The following UBOX5 variants were observed in gnomAD, a reference collection of about 807,000 sequenced individuals.
The protein encoded by UBOX5 is RING finger protein 37.
UBOX5 carries 28 observed loss-of-function variants against 39.0 expected under a neutral mutation model. That is an observed-to-expected ratio of 0.72 (90% confidence interval 0.53 to 0.98). UBOX5 has a LOEUF of 0.98. UBOX5 is among the 50% of genes least tolerant of loss of function. The pLI, the probability that UBOX5 is intolerant of heterozygous loss-of-function variation, is 0.00. For synonymous variants in UBOX5, 283 were observed against 275.5 expected (o/e 1.03, Z -0.27); for missense variants, 585 against 674.4 (o/e 0.87, Z 1.47).
chr20:3,112,687 C>T (rs1333759863), intron 4 of UBOX5, among the ~76,000 whole-genome samples: 11 of 152,208 alleles, frequency 7.2e-5, no homozygotes, highest in Admixed American at 7.2e-4. Context: ...GGCACGGTGG[C>T]TCACACCTGT....
chr20:3,148,249 C>G (rs780806586), intron 1 of UBOX5: 3 of 1,612,916 alleles, frequency 1.9e-6, no homozygotes, highest in South Asian at 1.1e-5. Flanking sequence ...AGGATAGATC[C>G]TTCCAGTGCA....
intron 1 of UBOX5, among the ~76,000 whole-genome samples, chr20:3,142,599 G>A (rs1332688994): frequency 7.8e-6 from 1 of 127,630 alleles, no homozygotes; most frequent in Non-Finnish European, 1.6e-5. Context: ...GTGAGACTCC[G>A]TCTCAAAAAA....
chr20:3,157,301 C>G (rs1343392021), intron 1 of UBOX5, among the ~76,000 whole-genome samples: 6 of 152,172 alleles, frequency 3.9e-5, no homozygotes, highest in Admixed American at 3.9e-4. Context: ...TCTACCAGTA[C>G]TGCGAAGGTG....
chr20:3,135,744 G>A (rs1318678791), intron 1 of UBOX5, among the ~76,000 whole-genome samples: 1 of 151,144 alleles, frequency 6.6e-6, no homozygotes, highest in Non-Finnish European at 1.5e-5. Flanking sequence ...TTATTCATTT[G>A]GGGTTTTGAT....
intron 1 of UBOX5, among the ~76,000 whole-genome samples, chr20:3,158,270 C>T (rs2066709776): frequency 2.0e-5 from 3 of 151,886 alleles, no homozygotes; most frequent in Admixed American, 2.0e-4. Flanking sequence ...CGCACCTGAC[C>T]TTAGAATTAT....
chr20:3,142,772 C>CAAAAAAA (rs58907108), intron 1 of UBOX5, among the ~76,000 whole-genome samples: 14 of 77,698 alleles, frequency 1.8e-4, no homozygotes, highest in Non-Finnish European at 2.3e-4. Flanking sequence ...AACTCTGTCT[C>CAAAAAAA]AAAAAAAAAA....
chr20:3,155,063 A>G (rs1358407896), intron 1 of UBOX5, among the ~76,000 whole-genome samples: 2 of 148,146 alleles, frequency 1.4e-5, no homozygotes, highest in Non-Finnish European at 3.0e-5. Flanking sequence ...AAAAAAAAAA[A>G]AAAAAAAAAG....
At position 3,122,434 on chromosome 20, in the gene UBOX5, C is replaced by T; in HGVS notation, c.205G>A (p.Asp69Asn). The T allele has an allele frequency of 6.2e-7, 1 of 1,614,162 alleles. No individual in the cohort carries two copies. The highest frequency in any genetic ancestry group is 1.1e-5 in the South Asian group (1 of 91,080). ...FNVEICRINI[D>N]LTAGGGQNVT... is the part of the protein sequence containing the mutation. ...TTCTGACCTCCCCCAGCTGTGAGGT[C>T]TATGTTGATCCTACAGATTTCCACA... Residue 69 changes from aspartate (D) to asparagine (N), a missense_variant, in exon 3 of 5, where the codon GAC (aspartate) becomes AAC (asparagine). Transcript: ENST00000217173.
At chr20:3,154,165 A>G (rs1370241314) in intron 1 of UBOX5, among the ~76,000 whole-genome samples, 2 of 152,250 alleles carry the variant, frequency 1.3e-5, no homozygotes, top group Non-Finnish European at 2.9e-5. Context: ...GGGAAATCCC[A>G]GGAAAAAGGT....
intron 1 of UBOX5, among the ~76,000 whole-genome samples, chr20:3,125,901 C>A (rs1026039302): frequency 2.0e-5 from 3 of 150,824 alleles, no homozygotes; most frequent in Non-Finnish European, 4.4e-5. Flanking sequence ...AAGTGAGGAG[C>A]GCCTCTGCCC....
At chr20:3,110,600 C>T in intron 4 of UBOX5, 1 of 459,782 alleles carries the variant, frequency 2.2e-6, no homozygotes, top group Non-Finnish European at 4.0e-6. Context: ...TCCTCCTGGT[C>T]TCCCAGCAAG....
At chr20:3,126,476 TC>T (rs1311916902) in intron 1 of UBOX5, among the ~76,000 whole-genome samples, 2 of 125,272 alleles carry the variant, frequency 1.6e-5, no homozygotes, top group Non-Finnish European at 3.2e-5. Context: ...CACATCCCCC[TC>T]TCCGAGAAAC....
chr20:3,120,741 C>T (rs1419286847), intron 3 of UBOX5, among the ~76,000 whole-genome samples: 1 of 152,074 alleles, frequency 6.6e-6, no homozygotes, highest in Admixed American at 6.5e-5. Flanking sequence ...GAGAATATTG[C>T]AATTTGTCCA....
chr20:3,139,414 A>ATTT (rs2066497790), intron 1 of UBOX5, among the ~76,000 whole-genome samples: 1 of 151,658 alleles, frequency 6.6e-6, no homozygotes, highest in Admixed American at 6.6e-5. Flanking sequence ...TTGAGACAAG[A>ATTT]GTTTTGCTCT....
At chr20:3,129,599 G>C (rs2066414546) in intron 1 of UBOX5, among the ~76,000 whole-genome samples, 1 of 152,158 alleles carries the variant, frequency 6.6e-6, no homozygotes, top group Non-Finnish European at 1.5e-5. Flanking sequence ...CATTGGCACT[G>C]TGTGACAAGG....
At chr20:3,158,005 C>T (rs1207065696) in intron 1 of UBOX5, among the ~76,000 whole-genome samples, 1 of 152,106 alleles carries the variant, frequency 6.6e-6, no homozygotes, top group South Asian at 2.1e-4. Context: ...ACCTCTCACC[C>T]CGGCAACCTC....
At chr20:3,146,560 A>G in intron 1 of UBOX5, 3 of 522,786 alleles carry the variant, frequency 5.7e-6, no homozygotes, top group Non-Finnish European at 1.0e-5. Flanking sequence ...ATTATTTACT[A>G]AGAGTAACAT....
rs747643851 is a variant in UBOX5, at chr20:3,122,273, T to C, written c.366A>G (p.Leu122=). The C allele has an allele frequency of 6.8e-6, 11 of 1,614,218 alleles. 1 individual carries two copies. In the East Asian group the frequency reaches 1.8e-4, roughly 26 times the overall value. ...ACACCACTTGGCTCTGGTTTTTCAG[T>C]AAGACTTTGCCTACCAAGGTGAACG... ...KEAFTLVGKV[L]LKNQSQVVFS... Residue 122 remains leucine (L), a synonymous_variant, in exon 3 of 5, where the codon TTA becomes TTG. Coordinates refer to ENST00000217173, the MANE Select transcript of UBOX5 (RefSeq NM_014948.4).
chr20:3,130,262 T>TAAAC (rs1409211363), intron 1 of UBOX5, among the ~76,000 whole-genome samples: 1 of 90,234 alleles, frequency 1.1e-5, no homozygotes, highest in Admixed American at 1.1e-4. Context: ...AATAAATAAA[T>TAAAC]AAATAAACAA....
Sources: allele counts gnomAD v4.1 joint callset (sites outside exome capture counted in the v4.1 genomes callset), GRCh38; gene constraint gnomAD v4.1.1; transcripts MANE v1.5; gene names NCBI Gene and HGNC (gene_info 2026-07-23, HGNC 2026-07-21).